The following CEP57L1 variants were observed in gnomAD, a reference collection of about 807,000 sequenced individuals.
CEP57L1 encodes the protein centrosomal protein 57 like 1.
In CEP57L1, 37 loss-of-function variants were observed where a neutral mutation model predicts 61.0. That is an observed-to-expected ratio of 0.61 (90% confidence interval 0.47 to 0.80). The LOEUF (loss-of-function observed/expected upper bound fraction) is 0.80. Ranked by LOEUF, CEP57L1 falls within the 30% of genes least tolerant of loss-of-function variation. The pLI is 0.00. For missense variants in CEP57L1, 422 were observed against 524.7 expected, an observed-to-expected ratio of 0.80 and a Z score of 1.91; for synonymous variants, 137 against 162.3, an observed-to-expected ratio of 0.84 and a Z score of 1.19.
intron 7 of CEP57L1, 117 bp from the exon 8 acceptor site, chr6:109,158,908 A>C: frequency 1.1e-6 from 1 of 945,700 alleles, no homozygotes. Flanking sequence ...ATTTCTGTCC[A>C]TGTCTTTTGC....
chr6:109,097,702 A>G (rs142319690), intron 1 of CEP57L1, among the ~76,000 whole-genome samples: 292 of 152,382 alleles, frequency 1.9e-3, no homozygotes, highest in Middle Eastern at 6.8e-3. Flanking sequence ...ATGAAGACAA[A>G]TGCAGTGGAG....
rs79307887 is a variant in CEP57L1, at chr6:109,118,622, C to G, written c.-4+23047C>G. 8.3e-3 allele frequency among the ~76,000 whole-genome samples: 1,264 copies of G among 152,218 alleles called. 24 individuals are homozygous for G. The highest frequency in any genetic ancestry group is 0.029 in the African/African-American group (1,213 of 41,518). Reference sequence around the variant, plus strand: ...GTTAACATACTGAAGCTTGCTAATACGAATAAGAATTGGAATTATGACTTC... The same window carrying G: ...GTTAACATACTGAAGCTTGCTAATAGGAATAAGAATTGGAATTATGACTTC... On this transcript the variant is annotated intron_variant, in intron 1 of 10. Transcript: ENST00000517392.
chr6:109,152,047 C>T (rs1234973669), intron 4 of CEP57L1, among the ~76,000 whole-genome samples: 2 of 151,992 alleles, frequency 1.3e-5, no homozygotes, highest in African/African-American at 2.4e-5. Context: ...AACTATTATC[C>T]TTCAAATAAT....
Position 109,164,934 on chromosome 6 carries a change from C to T in CEP57L1, c.*1964C>T, listed in dbSNP as rs184827700. On this transcript the variant is annotated 3_prime_UTR_variant, in exon 11 of 11. Transcript: ENST00000517392. ...TCTCTACTAAATTACAAAAATTAGC[C>T]GGGTGTGGTGGCGCATGCCTGTAAT... Among the ~76,000 whole-genome samples, 125 of 151,900 alleles carry T rather than the reference C, an allele frequency of 8.2e-4. 1 individual carries two copies. The highest frequency in any genetic ancestry group is 1.4e-3 in the Non-Finnish European group (96 of 67,936).
chr6:109,160,646 TA>T lies in CEP57L1; in HGVS notation c.1092del (p.Glu365SerfsTer17). 1 of 1,609,242 alleles carries T rather than the reference TA, an allele frequency of 6.2e-7. No individual in the cohort carries two copies. Among genetic ancestry groups the T allele is most frequent in the South Asian group, 1.1e-5 (1 of 89,888 alleles). ...HSVCDDIECE[L>X]ECLLKKMEIK... ...GTCTGTGACGACATAGAATGTGAAC[TA>T]GAGTGTTTACTCAAGAAAATGGAAA... On this transcript the variant is annotated frameshift_variant, in exon 10 of 11. Coordinates refer to ENST00000517392, the MANE Select transcript of CEP57L1 (RefSeq NM_001271852.3). LOFTEE classifies it high-confidence loss of function.
intron 1 of CEP57L1, among the ~76,000 whole-genome samples, chr6:109,099,562 T>G (rs1358260805): frequency 6.6e-6 from 1 of 151,464 alleles, no homozygotes; most frequent in Non-Finnish European, 1.5e-5. Context: ...ATTTATTTAT[T>G]TTTGAGAAGG....
intron 1 of CEP57L1, 119 bp downstream of exon 1, chr6:109,095,694 T>G: frequency 1.8e-6 from 1 of 556,416 alleles, no homozygotes; most frequent in Non-Finnish European, 2.3e-6. Flanking sequence ...AAGGACTTTT[T>G]CCAGTGACTT....
chr6:109,130,252 T>C (rs1452361327), intron 1 of CEP57L1, among the ~76,000 whole-genome samples: 3 of 152,228 alleles, frequency 2.0e-5, no homozygotes, highest in Non-Finnish European at 4.4e-5. Context: ...CTTCTGTTTC[T>C]GTAAGTTCGA....
chr6:109,160,473 T>C, intron 9 of CEP57L1, 99 bp from the exon 10 acceptor site: 1 of 937,346 alleles, frequency 1.1e-6, no homozygotes. Context: ...TATTTAACTC[T>C]GACTAAAATT....
At chr6:109,135,702 T>G (rs928562218) in intron 1 of CEP57L1, among the ~76,000 whole-genome samples, 1 of 151,804 alleles carries the variant, frequency 6.6e-6, no homozygotes, top group African/African-American at 2.4e-5. Flanking sequence ...TACAAAGAAC[T>G]CAAACAAATT....
intron 1 of CEP57L1, among the ~76,000 whole-genome samples, chr6:109,102,086 C>T (rs1227842083): frequency 6.6e-6 from 1 of 152,146 alleles, no homozygotes; most frequent in Non-Finnish European, 1.5e-5. Context: ...TTGGTGATTC[C>T]CCAATGACAT....
chr6:109,162,599 G>T, intron 10 of CEP57L1, 150 bp from the exon 11 acceptor site: 1 of 617,528 alleles, frequency 1.6e-6, no homozygotes, highest in South Asian at 2.1e-5. Flanking sequence ...GCATGTAATA[G>T]ATGTTCAATA....
intron 7 of CEP57L1, chr6:109,156,670 G>A (rs1773249897): frequency 6.6e-6 from 1 of 152,074 alleles, no homozygotes; most frequent in South Asian, 2.1e-4. Flanking sequence ...TGTTGTGGGG[G>A]ACAGGAGATG....
intron 1 of CEP57L1, among the ~76,000 whole-genome samples, chr6:109,116,494 A>T (rs887097306): frequency 2.0e-5 from 3 of 152,128 alleles, no homozygotes; most frequent in Admixed American, 2.0e-4. Flanking sequence ...CATTTTAGAG[A>T]TACTTTTCTT....
chr6:109,106,957 A>G (rs1771011664), intron 1 of CEP57L1, among the ~76,000 whole-genome samples: 1 of 152,196 alleles, frequency 6.6e-6, no homozygotes, highest in African/African-American at 2.4e-5. Context: ...TAACGAAATA[A>G]AATTAATGTT....
chr6:109,138,357 G>T (rs1014246089), intron 1 of CEP57L1, among the ~76,000 whole-genome samples: 1 of 152,164 alleles, frequency 6.6e-6, no homozygotes, highest in Non-Finnish European at 1.5e-5. Flanking sequence ...CAACTGGTCA[G>T]ATATTAGATA....
chr6:109,145,839 G>T (rs897413173), intron 2 of CEP57L1, among the ~76,000 whole-genome samples: 1 of 151,852 alleles, frequency 6.6e-6, no homozygotes, highest in Admixed American at 6.6e-5. Flanking sequence ...GTTTAAAATA[G>T]AAATGTAGGA....
rs2114752077 is a variant in CEP57L1 at position 109,129,642 on chromosome 6, A to C, written c.-3-15577A>C. ...TGGCTAATTCCTGAGCCATTCGAGG[A>C]TCCTATTGGGTAAAATTTAAAAAGT... is the stretch of plus-strand genomic sequence containing the variant. On this transcript the variant is annotated intron_variant, in intron 1 of 10. Coordinates refer to ENST00000517392, the MANE Select transcript of CEP57L1 (RefSeq NM_001271852.3). The C allele has an allele frequency of 3.6e-5, 14 of 387,598 alleles. 1 individual carries two copies. The highest frequency in any genetic ancestry group is 2.7e-4 in the South Asian group (14 of 52,712). The allele number at this position is 387,598 out of a possible 1,614,324, so 24.0% of individuals were successfully genotyped here.
At chr6:109,135,179 G>A (rs1285208445) in intron 1 of CEP57L1, among the ~76,000 whole-genome samples, 1 of 152,192 alleles carries the variant, frequency 6.6e-6, no homozygotes, top group African/African-American at 2.4e-5. Flanking sequence ...CAAGGCTACA[G>A]TAACCAAAAC....
Sources: allele counts gnomAD v4.1 joint callset (sites outside exome capture counted in the v4.1 genomes callset), GRCh38; gene constraint gnomAD v4.1.1; transcripts MANE v1.5; gene names NCBI Gene and HGNC (gene_info 2026-07-23, HGNC 2026-07-21).